Variants in UBTD2 observed in about 807,000 individuals in gnomAD.
UBTD2 encodes ubiquitin domain-containing protein 2.
UBTD2 carries 9 observed loss-of-function variants against 19.8 expected under a neutral mutation model. That is an observed-to-expected ratio of 0.46 (90% CI 0.27 to 0.79). UBTD2 has a LOEUF of 0.79. Among genes scored for constraint, UBTD2 ranks in the 30% least tolerant of loss-of-function variants. UBTD2 has a pLI of 0.14. For missense variants in UBTD2, 250 were observed against 300.4 expected (o/e 0.83, Z 1.24); for synonymous variants, 98 against 103.9 (o/e 0.94, Z 0.35).
intron 1 of UBTD2, among the ~76,000 whole-genome samples, chr5:172,258,135 T>C (rs184665041): frequency 1.1e-4 from 16 of 152,332 alleles, no homozygotes; most frequent in Admixed American, 9.8e-4. Flanking sequence ...TTTTCAAGTT[T>C]TACATTTAAG....
intron 1 of UBTD2, among the ~76,000 whole-genome samples, chr5:172,270,129 G>C (rs1345921580): frequency 2.0e-5 from 3 of 151,186 alleles, no homozygotes; most frequent in African/African-American, 7.3e-5. Flanking sequence ...ACCAAGGCTG[G>C]AGTGCAGTGG....
chr5:172,277,663 G>C (rs186172051), intron 1 of UBTD2, among the ~76,000 whole-genome samples: 1 of 151,920 alleles, frequency 6.6e-6, no homozygotes, highest in African/African-American at 2.4e-5. Context: ...CCATGATTAC[G>C]CCATTGCACT....
At position 172,212,357 on chromosome 5, in the gene UBTD2, C is replaced by T. The variant is rs1242820457; in HGVS notation, c.308-130G>A. Reference sequence around the variant, plus strand: ...AGAAAAAACATCACTCTCAGCTGATCATCAATGATTATCAAATCCCATGCC... The same window carrying T: ...AGAAAAAACATCACTCTCAGCTGATTATCAATGATTATCAAATCCCATGCC... On this transcript the variant is annotated intron_variant, in intron 2 of 2. Coordinates refer to ENST00000393792, the MANE Select transcript of UBTD2 (RefSeq NM_152277.3). 3.1e-6 allele frequency: 3 copies of T among 959,114 alleles called. No homozygotes were observed. The Admixed American group carries it at 9.1e-5, about 29-fold the overall frequency. 59.4% of individuals were successfully genotyped at this position (959,114 alleles called of 1,614,324 possible). A position where few individuals can be genotyped will look rare whatever the true frequency, so the allele number is the denominator to read the frequency against.
intron 1 of UBTD2, among the ~76,000 whole-genome samples, chr5:172,252,851 T>A (rs1010135032): frequency 1.3e-5 from 2 of 152,212 alleles, no homozygotes; most frequent in African/African-American, 4.8e-5. Context: ...ATTGGTATTT[T>A]GGCTTGTGCA....
At chr5:172,232,986 C>A (rs1771933946) in intron 2 of UBTD2, among the ~76,000 whole-genome samples, 3 of 151,350 alleles carry the variant, frequency 2.0e-5, no homozygotes, top group African/African-American at 7.3e-5. Flanking sequence ...ACTAAAAATA[C>A]AAAAATTAGC....
rs1170217420 is a variant in UBTD2, at chr5:172,246,480, C to T, written c.71-12122G>A. Among the ~76,000 whole-genome samples, 29 of 135,476 alleles carry T rather than the reference C, an allele frequency of 2.1e-4. No individual in the cohort carries two copies. The South Asian group carries it at 2.5e-3, about 12-fold the overall frequency. The allele number at this position is 135,476 out of a possible 152,430, so 88.9% of individuals were successfully genotyped here. A position where few individuals can be genotyped will look rare whatever the true frequency, so the allele number is the denominator to read the frequency against. On this transcript the variant is annotated intron_variant, in intron 1 of 2. Coordinates refer to ENST00000393792, the MANE Select transcript of UBTD2 (RefSeq NM_152277.3). ...TTTTTTTTTGAGATGGAGTTCACTC[C>T]GTCGCCCAGGCTGCAATGCAGTGGT...
chr5:172,283,496 G>T lies in UBTD2; in HGVS notation c.70+100C>A. On this transcript the variant is annotated intron_variant, in intron 1 of 2. Transcript: ENST00000393792. This position sits in a 1 kb window ranked among gnomAD's most constrained non-coding sequence, Gnocchi z 4.3. ...ATGACGTGGAAGAGGGGATGACAAA[G>T]GGGCGCGGGGGCCCGGCGCGGCCCG... 1 of 955,376 alleles carries T rather than the reference G, an allele frequency of 1.0e-6. No individual in the cohort carries two copies. The highest frequency in any genetic ancestry group is 1.4e-6 in the Non-Finnish European group (1 of 737,410). The allele number at this position is 955,376 out of a possible 1,614,324, so 59.2% of individuals were successfully genotyped here.
intron 1 of UBTD2, among the ~76,000 whole-genome samples, chr5:172,268,704 A>G (rs1037611462): frequency 6.6e-5 from 10 of 152,138 alleles, no homozygotes; most frequent in Non-Finnish European, 5.9e-5. Flanking sequence ...AGCAGAGATC[A>G]TGCCACTGCA....
chr5:172,212,085 A>C lies in UBTD2; in HGVS notation c.450T>G (p.Tyr150Ter), dbSNP rs778836537. ...AAAGGCGCAAACGAAGCTGACATTCATATCCAGAATTGGGTGGTGGCTCAG... is the reference window on the plus strand; with the variant it reads ...AAAGGCGCAAACGAAGCTGACATTCCTATCCAGAATTGGGTGGTGGCTCAG... ...DIPEPPPNSG[Y>*]ECQLRLRLST... The change falls in exon 3 of 3, where the codon TAT (tyrosine) becomes TAG (stop). Residue 150 changes from tyrosine (Y) to a stop codon, truncating the protein, a stop_gained. Coordinates refer to ENST00000393792, the MANE Select transcript of UBTD2 (RefSeq NM_152277.3). LOFTEE classifies it high-confidence loss of function. 2 of 1,614,190 alleles carry C rather than the reference A, an allele frequency of 1.2e-6. No homozygotes were observed. Among genetic ancestry groups the C allele is most frequent in the South Asian group, 2.2e-5 (2 of 91,090 alleles).
chr5:172,249,352 T>C lies in UBTD2; in HGVS notation c.71-14994A>G, dbSNP rs183831743. On this transcript the variant is annotated intron_variant, in intron 1 of 2. Coordinates refer to ENST00000393792, the MANE Select transcript of UBTD2 (RefSeq NM_152277.3). ...AGGAGGAGGTTGCAGTGAGCCAAGATTGCACCACTGCACTCCAGCCTAGGT... is the reference window on the plus strand; with the variant it reads ...AGGAGGAGGTTGCAGTGAGCCAAGACTGCACCACTGCACTCCAGCCTAGGT... Among the ~76,000 whole-genome samples, 20 of 130,978 alleles carry C rather than the reference T, an allele frequency of 1.5e-4. No individual in the cohort carries two copies. In the East Asian group the frequency reaches 3.5e-3, roughly 23 times the overall value. The allele number at this position is 130,978 out of a possible 152,430, so 85.9% of individuals were successfully genotyped here.
At chr5:172,252,554 C>G (rs1755045936) in intron 1 of UBTD2, 2 of 152,182 alleles carry the variant, frequency 1.3e-5, no homozygotes, top group South Asian at 4.1e-4. Context: ...ATATTGCTGC[C>G]TGTCCTGAGA....
At chr5:172,247,505 T>C (rs190998868) in intron 1 of UBTD2, among the ~76,000 whole-genome samples, 238 of 152,032 alleles carry the variant, frequency 1.6e-3, no homozygotes, top group African/African-American at 5.3e-3. Context: ...CTTTCTCAAA[T>C]AAACAAACAA....
intron 1 of UBTD2, among the ~76,000 whole-genome samples, chr5:172,251,465 C>CAAAAAAAAAAAAAAAAAAAAAAAA (rs59810255): frequency 1.1e-5 from 1 of 91,954 alleles, no homozygotes; most frequent in African/African-American, 4.1e-5. Flanking sequence ...TCAAACTGTC[C>CAAAAAAAAAAAAAAAAAAAAAAAA]AAAAAAAAAA....
chr5:172,234,485 A>G, intron 1 of UBTD2, 127 bp from the exon 2 acceptor site: 1 of 780,420 alleles, frequency 1.3e-6, no homozygotes, highest in Non-Finnish European at 2.0e-6. Context: ...CTGCTAGCTA[A>G]TTTGTGCATC....
At chr5:172,237,991 G>C (rs1035248241) in intron 1 of UBTD2, among the ~76,000 whole-genome samples, 2 of 152,124 alleles carry the variant, frequency 1.3e-5, no homozygotes, top group Non-Finnish European at 2.9e-5. Context: ...CACTTGCTAG[G>C]CATTTGTTCA....
At chr5:172,240,724 T>A (rs1772110398) in intron 1 of UBTD2, among the ~76,000 whole-genome samples, 1 of 152,060 alleles carries the variant, frequency 6.6e-6, no homozygotes, top group Non-Finnish European at 1.5e-5. Context: ...CACAATTAAG[T>A]CCTCCCCACT....
At chr5:172,244,121 C>T (rs1772189010) in intron 1 of UBTD2, among the ~76,000 whole-genome samples, 1 of 151,950 alleles carries the variant, frequency 6.6e-6, no homozygotes, top group South Asian at 2.1e-4. Flanking sequence ...TGATTGGGGG[C>T]ATTCTACAGT....
intron 1 of UBTD2, among the ~76,000 whole-genome samples, chr5:172,279,040 T>C (rs1484914534): frequency 1.3e-5 from 2 of 152,152 alleles, no homozygotes; most frequent in African/African-American, 2.4e-5. Context: ...GGCCTCCCAA[T>C]GTGGTGCGAA....
intron 1 of UBTD2, among the ~76,000 whole-genome samples, chr5:172,260,961 G>A (rs1200001483): frequency 6.6e-6 from 1 of 152,184 alleles, no homozygotes; most frequent in Non-Finnish European, 1.5e-5. Flanking sequence ...ATGTGTTAAT[G>A]TTTAGCAATA....
Sources: allele counts gnomAD v4.1 joint callset (sites outside exome capture counted in the v4.1 genomes callset), GRCh38; gene constraint gnomAD v4.1.1; non-coding constraint Gnocchi (gnomAD v3.1); transcripts MANE v1.5; gene names NCBI Gene and HGNC (gene_info 2026-07-23, HGNC 2026-07-21).